Variants in ADK observed in about 807,000 individuals in gnomAD.
ADK encodes the protein N6,N6-dimethyladenosine kinase.
In ADK, 24 loss-of-function variants were observed where a neutral mutation model predicts 44.7. That is an observed-to-expected ratio of 0.54 (90% CI 0.39 to 0.76). ADK has a LOEUF of 0.76. Among genes scored for constraint, ADK ranks in the 30% least tolerant of loss-of-function variants. The pLI is 0.00. For synonymous variants in ADK, 128 were observed against 142.6 expected (o/e 0.90, Z 0.73); for missense variants, 321 against 425.1 (o/e 0.76, Z 2.15).
intron 7 of ADK, among the ~76,000 whole-genome samples, chr10:74,542,892 A>T (rs1429035559): frequency 6.6e-6 from 1 of 151,018 alleles, no homozygotes; most frequent in African/African-American, 2.4e-5. Context: ...TTAGTTATTT[A>T]TTTATTTATT....
intron 1 of ADK, among the ~76,000 whole-genome samples, chr10:74,177,533 G>A (rs1842386755): frequency 6.6e-6 from 1 of 152,104 alleles, no homozygotes; most frequent in Non-Finnish European, 1.5e-5. Context: ...AGTTTGGAAG[G>A]TTCTTTTTTT....
intron 4 of ADK, among the ~76,000 whole-genome samples, chr10:74,331,045 C>A (rs2131847221): frequency 6.6e-6 from 1 of 152,078 alleles, no homozygotes; most frequent in Middle Eastern, 3.4e-3. Flanking sequence ...GAACTTTTTT[C>A]TTTTTTGTTT....
At chr10:74,187,695 T>C (rs1842807506) in intron 1 of ADK, among the ~76,000 whole-genome samples, 1 of 152,230 alleles carries the variant, frequency 6.6e-6, no homozygotes, top group African/African-American at 2.4e-5. Flanking sequence ...TCTGCTAGGC[T>C]TGTGAAACTA....
intron 6 of ADK, among the ~76,000 whole-genome samples, chr10:74,515,928 G>A (rs1304949768): frequency 1.3e-5 from 2 of 152,166 alleles, no homozygotes; most frequent in Admixed American, 6.5e-5. Context: ...AACTTGTTTG[G>A]AGTTGGCATA....
At chr10:74,153,119 C>T (rs1304464873) in intron 1 of ADK, among the ~76,000 whole-genome samples, 3 of 152,144 alleles carry the variant, frequency 2.0e-5, no homozygotes, top group Non-Finnish European at 4.4e-5. Flanking sequence ...AAAGACTTTG[C>T]ATAATTTAAT....
intron 3 of ADK, among the ~76,000 whole-genome samples, chr10:74,229,386 G>A (rs1190794363): frequency 1.4e-5 from 2 of 143,864 alleles, no homozygotes; most frequent in Admixed American, 7.0e-5. Context: ...ATAACATCTG[G>A]TATGCTTTTT....
At chr10:74,303,583 A>ATTTTTTTTTTTTTTTTTTTTTT (rs1840133518) in intron 3 of ADK, among the ~76,000 whole-genome samples, 1 of 26,468 alleles carries the variant, frequency 3.8e-5, no homozygotes, top group Non-Finnish European at 9.3e-5. Context: ...ATTGGTTTTA[A>ATTTTTTTTTTTTTTTTTTTTTT]TGTTGTTTTT....
intron 1 of ADK, among the ~76,000 whole-genome samples, chr10:74,159,037 A>C (rs993720199): frequency 1.6e-4 from 24 of 152,228 alleles, no homozygotes; most frequent in Admixed American, 1.6e-3. Flanking sequence ...ATGATTTATC[A>C]AAGCAGATTT....
At chr10:74,246,279 T>A (rs1312891973) in intron 3 of ADK, among the ~76,000 whole-genome samples, 1 of 152,236 alleles carries the variant, frequency 6.6e-6, no homozygotes, top group South Asian at 2.1e-4. Flanking sequence ...ACTGATTGAA[T>A]GTACAAGTTA....
At chr10:74,423,803 C>T (rs1346411662) in intron 6 of ADK, 2 of 330,222 alleles carry the variant, frequency 6.1e-6, no homozygotes, top group Non-Finnish European at 1.2e-5. Flanking sequence ...TGATACCGCT[C>T]CTGTCCAGCG....
rs192640588 is a variant in ADK, at chr10:74,493,391, A to G, written c.556-31865A>G. ...TATATACATATATATGTATATCCAC[A>G]CATACATACATACACACATCTTTAC... On this transcript the variant is annotated intron_variant, in intron 6 of 10. Coordinates refer to ENST00000539909, the MANE Select transcript of ADK (RefSeq NM_006721.4). Among the ~76,000 whole-genome samples, 355 of 150,262 alleles carry G rather than the reference A, an allele frequency of 2.4e-3. 4 individuals are homozygous for G. The highest frequency in any genetic ancestry group is 8.5e-3 in the African/African-American group (342 of 40,040).
intron 6 of ADK, among the ~76,000 whole-genome samples, chr10:74,462,228 A>G (rs1846194991): frequency 6.6e-6 from 1 of 152,040 alleles, no homozygotes; most frequent in South Asian, 2.1e-4. Context: ...TTTTTATATT[A>G]GATAGTTTCT....
chr10:74,527,245 C>T (rs1419384257), intron 7 of ADK, among the ~76,000 whole-genome samples: 1 of 152,042 alleles, frequency 6.6e-6, no homozygotes, highest in Non-Finnish European at 1.5e-5. Context: ...CCTGTAGTCC[C>T]AGCTACTCGG....
chr10:74,540,387 T>C lies in ADK; in HGVS notation c.726+14961T>C, dbSNP rs531869024. ...TTTGTAAGTGATTATTTTGGTATTA[T>C]TTGTATAGTATGCCATAATATAAAA... On this transcript the variant is annotated intron_variant, in intron 7 of 10. Coordinates refer to ENST00000539909, the MANE Select transcript of ADK (RefSeq NM_006721.4). Among the ~76,000 whole-genome samples, 390 of 152,148 alleles carry C rather than the reference T, an allele frequency of 2.6e-3. 2 individuals are homozygous for C. Among genetic ancestry groups the C allele is most frequent in the Non-Finnish European group, 2.6e-3 (174 of 67,986 alleles).
At chr10:74,433,711 A>G (rs1845080603) in intron 6 of ADK, among the ~76,000 whole-genome samples, 2 of 152,218 alleles carry the variant, frequency 1.3e-5, no homozygotes, top group Non-Finnish European at 2.9e-5. Context: ...CTATTTACCA[A>G]TGTTTACAGT....
intron 1 of ADK, among the ~76,000 whole-genome samples, chr10:74,154,887 C>G (rs972024232): frequency 1.7e-4 from 26 of 152,186 alleles, no homozygotes; most frequent in Non-Finnish European, 3.5e-4. Context: ...GCCTCAAGTT[C>G]TGCCTACTTT....
At chr10:74,309,520 T>A (rs182778746) in intron 3 of ADK, among the ~76,000 whole-genome samples, 2 of 152,308 alleles carry the variant, frequency 1.3e-5, no homozygotes, top group Admixed American at 6.5e-5. Context: ...TCAGAATTGC[T>A]AGGAGACAGA....
intron 7 of ADK, among the ~76,000 whole-genome samples, chr10:74,558,302 A>G (rs1406852725): frequency 6.6e-6 from 1 of 152,114 alleles, no homozygotes; most frequent in African/African-American, 2.4e-5. Context: ...GCCTCAGGCA[A>G]TCCTCCTGCC....
At chr10:74,369,546 T>C (rs1842595106) in intron 4 of ADK, among the ~76,000 whole-genome samples, 1 of 152,240 alleles carries the variant, frequency 6.6e-6, no homozygotes, top group Admixed American at 6.5e-5. Flanking sequence ...AATTTGTGTG[T>C]TTATTTCTTA....
Sources: gnomAD v4.1 joint callset for allele counts (sites outside exome capture counted in the v4.1 genomes callset) on GRCh38, gnomAD v4.1.1 for gene constraint, MANE v1.5 for transcripts, NCBI Gene and HGNC (gene_info 2026-07-23, HGNC 2026-07-21) for gene names.